IGF2: variants seen among roughly 807,000 people sequenced by gnomAD.
The protein encoded by IGF2 is insulin-like growth factor 2.
In IGF2, 2 loss-of-function variants were observed where a neutral mutation model predicts 12.0. That is an observed-to-expected ratio of 0.17 (90% CI 0.07 to 0.52). The LOEUF (loss-of-function observed/expected upper bound fraction) is 0.52. IGF2 is among the 20% of genes least tolerant of loss of function. IGF2 has a pLI of 0.95. For synonymous variants in IGF2, 105 were observed against 110.1 expected (o/e 0.95, Z 0.29); for missense variants, 211 against 268.0 (o/e 0.79, Z 1.48).
intron 1 of IGF2, among the ~76,000 whole-genome samples, chr11:2,136,068 C>T (rs923609598): frequency 6.6e-6 from 1 of 152,196 alleles, no homozygotes; most frequent in African/African-American, 2.4e-5. Context: ...GACCATCGCC[C>T]TCAAAGCAGC....
intron 1 of IGF2, among the ~76,000 whole-genome samples, chr11:2,136,809 G>T (rs1357423398): frequency 2.0e-5 from 3 of 152,188 alleles, no homozygotes; most frequent in African/African-American, 2.4e-5. Context: ...AGCACACTCC[G>T]CCAGCTGGCC....
At position 2,132,776 on chromosome 11, in the gene IGF2, T is replaced by C; in HGVS notation, c.*211A>G. 1.9e-6 allele frequency: 1 copy of C among 513,874 alleles called. No individual in the cohort carries two copies. The highest frequency in any genetic ancestry group is 3.4e-6 in the Non-Finnish European group (1 of 290,524). The allele number at this position is 513,874 out of a possible 1,614,324, so 31.8% of individuals were successfully genotyped here. On this transcript the variant is annotated 3_prime_UTR_variant, in exon 4 of 4. Transcript: ENST00000416167. ...TAAAGCCAATCGATTTTGTACATGT[T>C]TGAAGATGCTGCTGTGCTTCCTCAG...
At position 2,131,933 on chromosome 11, in the gene IGF2, CGTGT is replaced by C. The variant is rs760986052; in HGVS notation, c.*1050_*1053del. 1.9e-5 allele frequency: 2 copies of C among 105,584 alleles called. No individual in the cohort carries two copies. Among genetic ancestry groups the C allele is most frequent in the Non-Finnish European group, 3.6e-5 (2 of 56,048 alleles). The allele number at this position is 105,584 out of a possible 1,614,324, so 6.5% of individuals were successfully genotyped here. A position where few individuals can be genotyped will look rare whatever the true frequency, so the allele number is the denominator to read the frequency against. On this transcript the variant is annotated 3_prime_UTR_variant, in exon 4 of 4. Transcript: ENST00000416167. The stretch of plus-strand genomic sequence containing the variant: ...TGTGTGCTGTGTGTGCATGTGTGTG[CGTGT>C]GTGTGCCGTGCGTTTGTGTGCTGTG...
intron 1 of IGF2, among the ~76,000 whole-genome samples, chr11:2,136,994 G>A (rs1298610578): frequency 6.6e-6 from 1 of 152,224 alleles, no homozygotes; most frequent in East Asian, 1.9e-4. Flanking sequence ...AACAGAAAGG[G>A]AAGGAGCAGG....
At chr11:2,149,427 G>C in the IGF2 span, 2 of 1,198,332 alleles carry the variant, frequency 1.7e-6, no homozygotes, top group Admixed American at 1.8e-5. Flanking sequence ...CGCTGAGCAT[G>C]GCACCTGCTC....
Position 2,130,764 on chromosome 11 carries a change from G to A in IGF2, c.*2223C>T, listed in dbSNP as rs867100853. ...CACTTCCTACCCCAGAACTCCCCCC[G>A]CCCAGCCCCCACTGCCCCCCACCCA... On this transcript the variant is annotated 3_prime_UTR_variant, in exon 4 of 4. Coordinates refer to ENST00000416167, the MANE Select transcript of IGF2 (RefSeq NM_000612.6). 7.8e-4 allele frequency: 65 copies of A among 83,072 alleles called. No homozygotes were observed. The highest frequency in any genetic ancestry group is 3.0e-3 in the African/African-American group (55 of 18,440). 5.1% of individuals were successfully genotyped at this position (83,072 alleles called of 1,614,324 possible). A position where few individuals can be genotyped will look rare whatever the true frequency, so the allele number is the denominator to read the frequency against.
chr11:2,144,218 C>A (rs987439470), upstream of IGF2, among the ~76,000 whole-genome samples: 1 of 152,176 alleles, frequency 6.6e-6, no homozygotes, highest in Non-Finnish European at 1.5e-5. Context: ...GCTTCCCGGG[C>A]GCTCCCGGGA....
intron 1 of IGF2, 45 bp from the exon 2 acceptor site, chr11:2,135,574 G>T: frequency 6.3e-7 from 1 of 1,575,298 alleles, no homozygotes; most frequent in Non-Finnish European, 8.7e-7. Context: ...GCCAGGCCAA[G>T]CCCCAGGCCA....
intron 1 of IGF2, among the ~76,000 whole-genome samples, chr11:2,136,111 C>G (rs975837896): frequency 6.6e-6 from 1 of 152,234 alleles, no homozygotes; most frequent in Admixed American, 6.5e-5. Flanking sequence ...CCCGCCCCTC[C>G]CCCTGGCTTT....
At chr11:2,137,284 A>G (rs1354358311) in intron 1 of IGF2, 1 of 989,176 alleles carries the variant, frequency 1.0e-6, no homozygotes, top group Non-Finnish European at 1.2e-6. Flanking sequence ...GCTAATGTCC[A>G]GTTTGCAGGC....
chr11:2,137,066 C>T, intron 1 of IGF2: 2 of 180,450 alleles, frequency 1.1e-5, no homozygotes, highest in Non-Finnish European at 2.1e-5. Context: ...GGGTGCTGTC[C>T]GAGAGGCAGC....
At position 2,132,885 on chromosome 11, in the gene IGF2, T is replaced by G. The variant is rs1416594924; in HGVS notation, c.*102A>C. The stretch of plus-strand genomic sequence containing the variant: ...GGTCAGGAGAAGCCCCAGGGGGACG[T>G]GGAACCGAGAGATTTTCGGGATGGA... On this transcript the variant is annotated 3_prime_UTR_variant, in exon 4 of 4. Transcript: ENST00000416167. The G allele has an allele frequency of 1.7e-5, 14 of 826,490 alleles. No homozygotes were observed. Among genetic ancestry groups the G allele is most frequent in the Non-Finnish European group, 2.5e-5 (13 of 522,996 alleles). 51.2% of individuals were successfully genotyped at this position (826,490 alleles called of 1,614,324 possible).
the IGF2 span, chr11:2,149,401 G>GA: frequency 6.8e-7 from 1 of 1,465,106 alleles, no homozygotes; most frequent in Non-Finnish European, 9.4e-7. Flanking sequence ...CCCTACAGAT[G>GA]GGAGAGCCTC....
At chr11:2,148,061 G>A in the IGF2 span, 6 of 372,012 alleles carry the variant, frequency 1.6e-5, no homozygotes, top group African/African-American at 4.2e-5. The surrounding 1 kb of genome is among the most constrained non-coding windows in gnomAD (Gnocchi z 4.3). Flanking sequence ...TGGAGAGGCC[G>A]AGACCCTTCT....
chr11:2,132,903 G>T lies in IGF2; in HGVS notation c.*84C>A. ...GGGGACGTGGAACCGAGAGATTTTC[G>T]GGATGGAACCTGATGGAAACGTCCG... On this transcript the variant is annotated 3_prime_UTR_variant, in exon 4 of 4. Transcript: ENST00000416167. 1 of 961,662 alleles carries T rather than the reference G, an allele frequency of 1.0e-6. No homozygotes were observed. Among genetic ancestry groups the T allele is most frequent in the Non-Finnish European group, 1.5e-6 (1 of 647,206 alleles). The allele number at this position is 961,662 out of a possible 1,614,324, so 59.6% of individuals were successfully genotyped here.
At chr11:2,149,150 C>T in the IGF2 span, 1 of 1,613,460 alleles carries the variant, frequency 6.2e-7, no homozygotes, top group Non-Finnish European at 8.5e-7. Context: ...CTGCGCAGTC[C>T]CCGCAGCTCC....
chr11:2,148,830 C>T, the IGF2 span: 1 of 447,600 alleles, frequency 2.2e-6, no homozygotes, highest in Non-Finnish European at 4.0e-6. This position sits in a 1 kb window ranked among gnomAD's most constrained non-coding sequence, Gnocchi z 4.3. Flanking sequence ...TCCTCCCCTA[C>T]CCCTCCCATT....
rs1477715052 is a variant in IGF2, at chr11:2,138,830, G to C, written c.-608C>G. Reference sequence around the variant, plus strand: ...GCGCGGGGAGCACAGAGAAGCGGAGGGAAGGGCGCCACGTCGAGGGGCCGG... The same window carrying C: ...GCGCGGGGAGCACAGAGAAGCGGAGCGAAGGGCGCCACGTCGAGGGGCCGG... On this transcript the variant is annotated 5_prime_UTR_variant, in exon 1 of 4. Coordinates refer to ENST00000416167, the MANE Select transcript of IGF2 (RefSeq NM_000612.6). The C allele has an allele frequency of 5.1e-5, 48 of 946,664 alleles. No homozygotes were observed. The highest frequency in any genetic ancestry group is 5.8e-5 in the Non-Finnish European group (46 of 796,018). 58.6% of individuals were successfully genotyped at this position (946,664 alleles called of 1,614,324 possible).
At chr11:2,149,144 G>T in the IGF2 span, 4 of 1,613,236 alleles carry the variant, frequency 2.5e-6, no homozygotes, top group Admixed American at 1.7e-5. Context: ...TAGTCCCTGC[G>T]CAGTCCCCGC....
Sources: allele counts gnomAD v4.1 joint callset (sites outside exome capture counted in the v4.1 genomes callset), GRCh38; gene constraint gnomAD v4.1.1; non-coding constraint Gnocchi (gnomAD v3.1); transcripts MANE v1.5; gene names NCBI Gene and HGNC (gene_info 2026-07-23, HGNC 2026-07-21).